The following UBL3 variants were observed in gnomAD, a reference collection of about 807,000 sequenced individuals.
UBL3 encodes the protein ubiquitin like 3.
In UBL3, 6 loss-of-function variants were observed where a neutral mutation model predicts 18.4. The observed-to-expected ratio is 0.33, with a 90% CI of 0.18 to 0.64. The LOEUF is 0.64. UBL3 is among the 30% of genes least tolerant of loss of function. UBL3 has a pLI of 0.76. For missense variants in UBL3, 109 were observed against 142.9 expected (o/e 0.76, Z 1.21); for synonymous variants, 49 against 46.6 (o/e 1.05, Z -0.21).
At chr13:29,797,009 C>T (rs1013209068) in intron 1 of UBL3, among the ~76,000 whole-genome samples, 1 of 152,126 alleles carries the variant, frequency 6.6e-6, no homozygotes. Context: ...TCTCTTTAAC[C>T]ACTGACTTTT....
intron 1 of UBL3, among the ~76,000 whole-genome samples, chr13:29,802,892 T>A (rs1211181801): frequency 6.6e-6 from 1 of 152,296 alleles, no homozygotes; most frequent in Middle Eastern, 3.4e-3. Flanking sequence ...CAGGATATTG[T>A]CCATGAAAAT....
chr13:29,835,133 T>TAA (rs1566001084), intron 1 of UBL3, among the ~76,000 whole-genome samples: 80 of 5,656 alleles, frequency 0.014, 3 homozygotes, highest in East Asian at 0.032. Context: ...TAAATATATA[T>TAA]ATATATATAT....
At chr13:29,824,235 G>T (rs995025330) in intron 1 of UBL3, among the ~76,000 whole-genome samples, 1 of 152,152 alleles carries the variant, frequency 6.6e-6, no homozygotes. Context: ...TAATGGGATG[G>T]CTGGGTCAAA....
chr13:29,767,093 T>C lies in UBL3; in HGVS notation c.*162A>G. 1 of 596,168 alleles carries C rather than the reference T, an allele frequency of 1.7e-6. No individual in the cohort carries two copies. The highest frequency in any genetic ancestry group is 3.1e-5 in the East Asian group (1 of 32,210). 36.9% of individuals were successfully genotyped at this position (596,168 alleles called of 1,614,324 possible). ...CAGAGTGAAAAATGTTCTTGGTTCT[T>C]TTTACTTTCATGAGAAAAGATGACA... is the stretch of plus-strand genomic sequence containing the variant. On this transcript the variant is annotated 3_prime_UTR_variant, in exon 5 of 5. Transcript: ENST00000380680.
At chr13:29,767,999 AT>A (rs950426834) in intron 3 of UBL3, among the ~76,000 whole-genome samples, 1 of 151,958 alleles carries the variant, frequency 6.6e-6, no homozygotes, top group African/African-American at 2.4e-5. Flanking sequence ...AAAGGATTAA[AT>A]TTTTTTTAAA....
chr13:29,835,745 C>T (rs887213650), intron 1 of UBL3, among the ~76,000 whole-genome samples: 9 of 111,048 alleles, frequency 8.1e-5, no homozygotes, highest in South Asian at 5.9e-4. Flanking sequence ...CAGAGCTAGA[C>T]GCTGTCTCAA....
chr13:29,811,759 T>C (rs1359178876), intron 1 of UBL3, among the ~76,000 whole-genome samples: 2 of 152,096 alleles, frequency 1.3e-5, no homozygotes, highest in Non-Finnish European at 1.5e-5. Flanking sequence ...CCAGAATGCC[T>C]TTTTCCCAAT....
chr13:29,771,970 A>T (rs1876851779), intron 3 of UBL3, 142 bp downstream of exon 3: 1 of 670,654 alleles, frequency 1.5e-6, no homozygotes, highest in Admixed American at 2.9e-5. Context: ...AATGTGAAGG[A>T]GTAGGCATAC....
chr13:29,831,114 T>C (rs932157772), intron 1 of UBL3, among the ~76,000 whole-genome samples: 1 of 152,080 alleles, frequency 6.6e-6, no homozygotes, highest in African/African-American at 2.4e-5. Flanking sequence ...GCCTTCAGGG[T>C]ATCCTCCCTC....
intron 1 of UBL3, among the ~76,000 whole-genome samples, chr13:29,814,212 G>A (rs1878199222): frequency 6.6e-6 from 1 of 152,010 alleles, no homozygotes; most frequent in Admixed American, 6.6e-5. Context: ...AATACAGGTT[G>A]TTTTAATTAC....
At chr13:29,805,774 C>T (rs1477111986) in intron 1 of UBL3, among the ~76,000 whole-genome samples, 2 of 152,180 alleles carry the variant, frequency 1.3e-5, no homozygotes, top group Admixed American at 6.5e-5. Flanking sequence ...ACAGGCTAGA[C>T]TTTTAAATAA....
rs367584232 is a variant in UBL3 at position 29,832,426 on chromosome 13, G to A, written c.27+17086C>T. On this transcript the variant is annotated intron_variant, in intron 1 of 4. Transcript: ENST00000380680. ...CGGCTCACTGCAAGCTCCGCCTCCC[G>A]GGTTCACGCCATTCTCCTGCGTCAG... is the stretch of plus-strand genomic sequence containing the variant. Among the ~76,000 whole-genome samples the A allele has an allele frequency of 4.5e-4, 68 of 151,552 alleles. 2 individuals carry two copies. Among genetic ancestry groups the A allele is most frequent in the African/African-American group, 1.5e-3 (62 of 41,268 alleles).
chr13:29,767,184 A>G lies in UBL3; in HGVS notation c.*71T>C. ...ACTGTTCTGAACGGTTTCTGAAGCA[A>G]TGTCGGGTCTTTTCTGTCCCAGCAG... is the stretch of plus-strand genomic sequence containing the variant. On this transcript the variant is annotated 3_prime_UTR_variant, in exon 5 of 5. Coordinates refer to ENST00000380680, the MANE Select transcript of UBL3 (RefSeq NM_007106.4). 6.4e-7 allele frequency: 1 copy of G among 1,565,672 alleles called. No homozygotes were observed. Among genetic ancestry groups the G allele is most frequent in the South Asian group, 1.1e-5 (1 of 88,200 alleles).
At chr13:29,844,035 A>G (rs905129190) in intron 1 of UBL3, among the ~76,000 whole-genome samples, 1 of 152,252 alleles carries the variant, frequency 6.6e-6, no homozygotes, top group African/African-American at 2.4e-5. Flanking sequence ...CATCTCAATA[A>G]GAAGTATCAT....
chr13:29,841,459 A>T (rs1047624683), intron 1 of UBL3, among the ~76,000 whole-genome samples: 1 of 152,210 alleles, frequency 6.6e-6, no homozygotes, highest in Non-Finnish European at 1.5e-5. Flanking sequence ...CAAAGTTCCA[A>T]CAAGTTTAAA....
At chr13:29,825,832 T>C (rs1400611742) in intron 1 of UBL3, among the ~76,000 whole-genome samples, 1 of 152,176 alleles carries the variant, frequency 6.6e-6, no homozygotes. Context: ...GGCTGTGGGT[T>C]TGTCATAGAT....
chr13:29,841,423 G>C (rs1195713601), intron 1 of UBL3, among the ~76,000 whole-genome samples: 1 of 152,108 alleles, frequency 6.6e-6, no homozygotes, highest in South Asian at 2.1e-4. Flanking sequence ...AATCCACTGT[G>C]TAACAAATAT....
At chr13:29,819,255 A>G (rs1878364297) in intron 1 of UBL3, among the ~76,000 whole-genome samples, 1 of 152,252 alleles carries the variant, frequency 6.6e-6, no homozygotes, top group African/African-American at 2.4e-5. Flanking sequence ...ATAATCTGAG[A>G]GAGTTAAACC....
chr13:29,829,429 A>G (rs113902154), intron 1 of UBL3, among the ~76,000 whole-genome samples: 15,544 of 152,218 alleles, frequency 0.1, 971 homozygotes, highest in African/African-American at 0.17. Flanking sequence ...CTTGCAGTTC[A>G]ATCTCAGACT....
Sources: allele counts gnomAD v4.1 joint callset (sites outside exome capture counted in the v4.1 genomes callset), GRCh38; gene constraint gnomAD v4.1.1; transcripts MANE v1.5; gene names NCBI Gene and HGNC (gene_info 2026-07-23, HGNC 2026-07-21).